The following PALLD variants were observed in gnomAD, a reference collection of about 807,000 sequenced individuals.
The protein encoded by PALLD is palladin, cytoskeletal associated protein, also known as palladin.
PALLD carries 61 observed loss-of-function variants against 123.5 expected under a neutral mutation model. The ratio of observed to expected loss-of-function variants is 0.49; its 90% CI spans 0.40 to 0.61. PALLD has a LOEUF of 0.61. PALLD is among the 20% of genes least tolerant of loss of function. The probability of loss-of-function intolerance (pLI) is 0.00; values close to 1 mark genes in which losing one functional copy is unlikely to be tolerated. For synonymous variants in PALLD, 465 were observed against 496.4 expected (o/e 0.94, Z 0.84); for missense variants, 1,273 against 1,377.0 (o/e 0.92, Z 1.20).
intron 2 of PALLD, among the ~76,000 whole-genome samples, chr4:168,535,666 G>A (rs1283863937): frequency 6.6e-6 from 1 of 152,304 alleles, no homozygotes; most frequent in African/African-American, 2.4e-5. Flanking sequence ...GTAGGATGGG[G>A]TGTTTAACAC....
chr4:168,612,178 G>T (rs1428045625), intron 2 of PALLD, among the ~76,000 whole-genome samples: 1 of 149,284 alleles, frequency 6.7e-6, no homozygotes, highest in Non-Finnish European at 1.5e-5. Context: ...AAATAAAAAT[G>T]TCCACCACAG....
At chr4:168,805,017 G>A (rs1739959360) in intron 10 of PALLD, among the ~76,000 whole-genome samples, 1 of 152,054 alleles carries the variant, frequency 6.6e-6, no homozygotes, top group Admixed American at 6.6e-5. Flanking sequence ...AAATTAGCTG[G>A]GCTTGGTGTC....
chr4:168,787,354 T>TA (rs935107339), intron 10 of PALLD, among the ~76,000 whole-genome samples: 5 of 152,214 alleles, frequency 3.3e-5, no homozygotes, highest in African/African-American at 1.2e-4. Flanking sequence ...GGAAACTACT[T>TA]ACAATCTTGA....
At chr4:168,767,386 C>A (rs562033295) in intron 10 of PALLD, among the ~76,000 whole-genome samples, 1 of 152,230 alleles carries the variant, frequency 6.6e-6, no homozygotes, top group Admixed American at 6.5e-5. Flanking sequence ...AATATATATG[C>A]ATAGTAATGT....
chr4:168,655,951 C>G (rs1580789703), intron 2 of PALLD, among the ~76,000 whole-genome samples: 1 of 152,200 alleles, frequency 6.6e-6, no homozygotes. Flanking sequence ...GTCGAAGACA[C>G]CAATAGGAGC....
chr4:168,558,438 C>G (rs1022859431), intron 2 of PALLD, among the ~76,000 whole-genome samples: 1 of 152,320 alleles, frequency 6.6e-6, no homozygotes, highest in Non-Finnish European at 1.5e-5. Flanking sequence ...GGTGGCCCTT[C>G]CTCCATCACC....
chr4:168,764,052 G>A (rs1199191008), intron 10 of PALLD, among the ~76,000 whole-genome samples: 5 of 152,178 alleles, frequency 3.3e-5, no homozygotes, highest in East Asian at 1.9e-4. Flanking sequence ...GTGGATATCA[G>A]AGTGCCACGG....
intron 3 of PALLD, among the ~76,000 whole-genome samples, chr4:168,670,448 C>T (rs956133141): frequency 5.9e-5 from 9 of 151,834 alleles, no homozygotes; most frequent in Admixed American, 5.2e-4. Flanking sequence ...AAAAGCCGGG[C>T]GCGGGCCGGG....
At chr4:168,774,755 A>G (rs1156531272) in intron 10 of PALLD, among the ~76,000 whole-genome samples, 1 of 149,332 alleles carries the variant, frequency 6.7e-6, no homozygotes, top group East Asian at 2.0e-4. Context: ...AAGATAGCAA[A>G]TACATCCATC....
At chr4:168,625,475 T>A (rs1293888061) in intron 2 of PALLD, among the ~76,000 whole-genome samples, 1 of 44,520 alleles carries the variant, frequency 2.2e-5, no homozygotes, top group East Asian at 1.2e-3. Flanking sequence ...GCAAATCACA[T>A]ATCCAATAAG....
chr4:168,559,503 T>G (rs1223800086), intron 2 of PALLD, among the ~76,000 whole-genome samples: 3 of 152,132 alleles, frequency 2.0e-5, no homozygotes, highest in African/African-American at 2.4e-5. Flanking sequence ...CTGAAAAATT[T>G]TAAGATAACA....
chr4:168,705,881 G>C (rs1319094153), intron 8 of PALLD, among the ~76,000 whole-genome samples: 2 of 152,094 alleles, frequency 1.3e-5, no homozygotes, highest in African/African-American at 4.8e-5. Context: ...GACCTCAAGT[G>C]ATCCGCCTGC....
intron 2 of PALLD, among the ~76,000 whole-genome samples, chr4:168,549,754 C>A (rs1029768185): frequency 1.3e-5 from 2 of 148,218 alleles, no homozygotes; most frequent in Admixed American, 1.4e-4. Context: ...CATTCATGGG[C>A]AATAGTTCAA....
At chr4:168,594,294 T>A (rs1414083149) in intron 2 of PALLD, among the ~76,000 whole-genome samples, 1 of 152,106 alleles carries the variant, frequency 6.6e-6, no homozygotes, top group Admixed American at 6.5e-5. Flanking sequence ...GCTGAATAAA[T>A]AGACGTGGAT....
At chr4:168,750,205 C>G (rs1313169630) in intron 10 of PALLD, among the ~76,000 whole-genome samples, 1 of 152,148 alleles carries the variant, frequency 6.6e-6, no homozygotes, top group African/African-American at 2.4e-5. Context: ...CCTCACCCTC[C>G]CAAAGTGCTG....
intron 8 of PALLD, among the ~76,000 whole-genome samples, chr4:168,698,489 C>T (rs368263819): frequency 6.6e-6 from 1 of 151,960 alleles, no homozygotes; most frequent in African/African-American, 2.4e-5. Flanking sequence ...GTCATGTACC[C>T]AGTAAATATA....
Position 168,924,999 on chromosome 4 carries a change from A to C in PALLD, c.3279A>C (p.Lys1093Asn), listed in dbSNP as rs761634920. Reference protein sequence around the residue: ...YICLLIQGATKEDAGWYTVSA... With the variant: ...YICLLIQGATNEDAGWYTVSA... ...GCCTGCTCATTCAGGGAGCCACAAA[A>C]GAAGATGCTGGGTGGTATACTGTGT... The change falls in exon 20 of 22, where the codon AAA becomes AAC. Residue 1093 changes from lysine to asparagine, a missense_variant. By Grantham distance (94) the Lys-to-Asn change is moderately conservative. Around this residue, in one of 2 missense-constraint regions of PALLD, gnomAD observed 329 missense variants for 422.5 expected, o/e 0.78. Coordinates refer to ENST00000505667, the MANE Select transcript of PALLD (RefSeq NM_001166108.2). The C allele has an allele frequency of 6.2e-7, 1 of 1,614,152 alleles. No individual in the cohort carries two copies. The highest frequency in any genetic ancestry group is 1.1e-5 in the South Asian group (1 of 91,088).
At chr4:168,660,419 T>C (rs1779015612) in intron 2 of PALLD, among the ~76,000 whole-genome samples, 1 of 152,192 alleles carries the variant, frequency 6.6e-6, no homozygotes, top group East Asian at 1.9e-4. Context: ...ATGTAGAAAG[T>C]GAACAATTAC....
At position 168,735,132 on chromosome 4, in the gene PALLD, GC is replaced by G. The variant is rs368355061; in HGVS notation, c.1964+23214del. Reference sequence around the variant, plus strand: ...TGCAATATAATATTTGATTCTGTTTGCCCCCTAAACAATGTCTTACTCCTAT... The same window carrying G: ...TGCAATATAATATTTGATTCTGTTTGCCCCTAAACAATGTCTTACTCCTAT... On this transcript the variant is annotated intron_variant, in intron 10 of 21. Transcript: ENST00000505667. 4.1e-3 allele frequency among the ~76,000 whole-genome samples: 627 copies of G among 152,176 alleles called. 6 individuals carry two copies. The highest frequency in any genetic ancestry group is 0.014 in the African/African-American group (584 of 41,494).
Sources: allele counts gnomAD v4.1 joint callset (sites outside exome capture counted in the v4.1 genomes callset), GRCh38; gene constraint gnomAD v4.1.1; regional missense constraint gnomAD v4.1.1; transcripts MANE v1.5; gene names NCBI Gene and HGNC (gene_info 2026-07-23, HGNC 2026-07-21).